The following CELSR1 variants were observed in gnomAD, a reference collection of about 807,000 sequenced individuals.
The protein encoded by CELSR1 is cadherin EGF LAG seven-pass G-type receptor 1.
Under a neutral mutation model 249.1 loss-of-function variants are expected in CELSR1, and 110 were observed. The observed-to-expected ratio is 0.44, with a 90% CI of 0.38 to 0.52. The LOEUF (loss-of-function observed/expected upper bound fraction) is 0.52, where lower values mean the gene tolerates loss of function less well. CELSR1 is among the 20% of genes least tolerant of loss of function. The pLI is 0.00. For synonymous variants in CELSR1, 2,113 were observed against 1,900.0 expected (o/e 1.11, Z -2.92); for missense variants, 4,109 against 4,296.4 (o/e 0.96, Z 1.22).
At position 46,433,583 on chromosome 22, in the gene CELSR1, T is replaced by G. The variant is rs1747066103; in HGVS notation, c.4523-102A>C. The G allele has an allele frequency of 1.2e-6, 1 of 804,696 alleles. No individual in the cohort carries two copies. The allele number at this position is 804,696 out of a possible 1,614,324, so 49.8% of individuals were successfully genotyped here. ...GGCATCAGGGGGAGACAGGTGCACA[T>G]GGCCACGTCCTCCCTCCCCTCCCCA... On this transcript the variant is annotated intron_variant, in intron 4 of 34. Transcript: ENST00000674500. This position sits in a 1 kb window ranked among gnomAD's most constrained non-coding sequence, Gnocchi z 5.7.
intron 23 of CELSR1, 101 bp from the exon 24 acceptor site, chr22:46,377,362 A>C: frequency 7.7e-7 from 1 of 1,303,568 alleles, no homozygotes; most frequent in Non-Finnish European, 1.1e-6. Context: ...TTATGAAACG[A>C]TCAAGGCTGG....
intron 2 of CELSR1, among the ~76,000 whole-genome samples, chr22:46,459,999 G>C (rs2080002518): frequency 6.6e-6 from 1 of 152,174 alleles, no homozygotes; most frequent in Non-Finnish European, 1.5e-5. Context: ...CTGAGGTCAG[G>C]AGTTTGAGAC....
rs1252630246 is a variant in CELSR1 at position 46,380,579 on chromosome 22, GTGCATCTGTGTGTGGACATCT to G, written c.7256+188_7256+208del. ...TCTGTATCTCCACGTGCAGGTCTGT[GTGCATCTGTGTGTGGACATCT>G]AGGGGAGGACTCTGATATTCCCACA... On this transcript the variant is annotated intron_variant, in intron 22 of 34. Coordinates refer to ENST00000674500, the MANE Select transcript of CELSR1 (RefSeq NM_001378328.1). The surrounding 1 kb of genome is among the most constrained non-coding windows in gnomAD (Gnocchi z 5.1). 6.6e-6 allele frequency among the ~76,000 whole-genome samples: 1 copy of G among 152,216 alleles called. No individual in the cohort carries two copies. The highest frequency in any genetic ancestry group is 2.4e-5 in the African/African-American group (1 of 41,456).
chr22:46,405,966 C>T (rs2079261894), intron 9 of CELSR1, among the ~76,000 whole-genome samples: 2 of 152,186 alleles, frequency 1.3e-5, no homozygotes, highest in African/African-American at 4.8e-5. Context: ...CCCCTCAAGG[C>T]CACCCCTCCA....
chr22:46,380,926 G>A lies in CELSR1; in HGVS notation c.7118C>T (p.Pro2373Leu), dbSNP rs756367371. The change falls in exon 22 of 35, where the codon CCG (proline) becomes CTG (leucine). Residue 2373 changes from proline (P) to leucine (L), a missense_variant. Pro to Leu is a moderately conservative substitution (Grantham distance 98, BLOSUM62 -3). Transcript: ENST00000674500. This position sits in a 1 kb window ranked among gnomAD's most constrained non-coding sequence, Gnocchi z 5.1. The stretch of plus-strand genomic sequence containing the variant: ...GCTGTACACCAGCGTGCTCACCATC[G>A]GGGTATTAATGATGGGCCGGTGAGG... ...RLPHRPIINT[P>L]MVSTLVYSEG... is the part of the protein sequence containing the mutation. 11 of 1,613,490 alleles carry A rather than the reference G, an allele frequency of 6.8e-6. No homozygotes were observed. The highest frequency in any genetic ancestry group is 5.5e-5 in the South Asian group (5 of 91,078).
At chr22:46,450,735 G>T (rs767578189) in intron 2 of CELSR1, among the ~76,000 whole-genome samples, 2 of 152,106 alleles carry the variant, frequency 1.3e-5, no homozygotes, top group Admixed American at 1.3e-4. Context: ...AGATTGCAGG[G>T]GCCTCAGCAC....
intron 31 of CELSR1, 52 bp downstream of exon 31, chr22:46,365,534 G>T (rs567507556): frequency 2.6e-6 from 4 of 1,545,952 alleles, no homozygotes; most frequent in African/African-American, 2.7e-5. Context: ...AGTGACCGAA[G>T]GGACGTGGGA....
intron 14 of CELSR1, among the ~76,000 whole-genome samples, chr22:46,392,259 A>G (rs749280194): frequency 6.6e-6 from 1 of 152,204 alleles, no homozygotes; most frequent in Non-Finnish European, 1.5e-5. Flanking sequence ...TCCTGGGTTC[A>G]TGCCTGACCC....
At chr22:46,458,212 C>A (rs928988957) in intron 2 of CELSR1, among the ~76,000 whole-genome samples, 12 of 152,132 alleles carry the variant, frequency 7.9e-5, no homozygotes, top group Non-Finnish European at 1.3e-4. Flanking sequence ...GTCCCGAAGG[C>A]CAGAGTGACC....
At chr22:46,442,078 G>A (rs545260055) in intron 2 of CELSR1, among the ~76,000 whole-genome samples, 1 of 152,308 alleles carries the variant, frequency 6.6e-6, no homozygotes, top group African/African-American at 2.4e-5. Context: ...AATCTGGGCA[G>A]CCGAGGTTGC....
At chr22:46,443,196 T>C (rs2079774862) in intron 2 of CELSR1, among the ~76,000 whole-genome samples, 1 of 152,100 alleles carries the variant, frequency 6.6e-6, no homozygotes, top group African/African-American at 2.4e-5. Flanking sequence ...CTGAAATCGC[T>C]GACGTTTTGC....
intron 1 of CELSR1, among the ~76,000 whole-genome samples, chr22:46,501,119 C>T (rs994080738): frequency 4.6e-5 from 7 of 151,746 alleles, no homozygotes; most frequent in Non-Finnish European, 7.4e-5. Flanking sequence ...CCGCAACCTT[C>T]GCCTCCCGGG....
chr22:46,377,501 C>A, intron 23 of CELSR1: 1 of 554,484 alleles, frequency 1.8e-6, no homozygotes, highest in Non-Finnish European at 3.2e-6. Context: ...CAGGCTCCCT[C>A]CACTGGCTTG....
At chr22:46,501,071 T>A (rs2080461669) in intron 1 of CELSR1, among the ~76,000 whole-genome samples, 1 of 152,006 alleles carries the variant, frequency 6.6e-6, no homozygotes, top group African/African-American at 2.4e-5. Context: ...TCTTGCTCTG[T>A]CACCCAGGCT....
chr22:46,432,139 T>C (rs1161362735), intron 5 of CELSR1, among the ~76,000 whole-genome samples: 1 of 152,134 alleles, frequency 6.6e-6, no homozygotes, highest in African/African-American at 2.4e-5. Context: ...AGGTGACCAC[T>C]ACTTGGAGTC....
intron 1 of CELSR1, among the ~76,000 whole-genome samples, chr22:46,476,091 C>T (rs1295732841): frequency 6.6e-6 from 1 of 152,106 alleles, no homozygotes; most frequent in Non-Finnish European, 1.5e-5. Flanking sequence ...TGCTTCCTCA[C>T]AAAGCTCAAC....
At chr22:46,470,864 C>A (rs963732382) in intron 1 of CELSR1, among the ~76,000 whole-genome samples, 1 of 152,164 alleles carries the variant, frequency 6.6e-6, no homozygotes, top group African/African-American at 2.4e-5. Flanking sequence ...GTGGCTCACA[C>A]CTGTAATCCC....
chr22:46,372,791 G>T, intron 25 of CELSR1, 92 bp downstream of exon 25: 1 of 1,457,024 alleles, frequency 6.9e-7, no homozygotes. Flanking sequence ...ATTGGGGCTG[G>T]GCAGGGAAGA....
chr22:46,486,069 C>T (rs879934781), intron 1 of CELSR1, among the ~76,000 whole-genome samples: 2 of 151,190 alleles, frequency 1.3e-5, no homozygotes, highest in Admixed American at 6.6e-5. Context: ...TCCCAAGTAG[C>T]TGGGACTACA....
Sources: allele counts gnomAD v4.1 joint callset (sites outside exome capture counted in the v4.1 genomes callset), GRCh38; gene constraint gnomAD v4.1.1; non-coding constraint Gnocchi (gnomAD v3.1); transcripts MANE v1.5; gene names NCBI Gene and HGNC (gene_info 2026-07-23, HGNC 2026-07-21).